TICRR: variants seen among roughly 807,000 people sequenced by gnomAD.
TICRR encodes treslin.
In TICRR, 132 loss-of-function variants were observed where a neutral mutation model predicts 178.1. That is an observed-to-expected ratio of 0.74 (90% CI 0.64 to 0.86). TICRR has a LOEUF of 0.86. Among genes scored for constraint, TICRR ranks in the 40% least tolerant of loss-of-function variants. The pLI, the probability that TICRR is intolerant of heterozygous loss-of-function variation, is 0.00. For missense variants in TICRR, 2,587 were observed against 2,334.3 expected, an observed-to-expected ratio of 1.11 and a Z score of -2.23; for synonymous variants, 991 against 900.7, an observed-to-expected ratio of 1.10 and a Z score of -1.79.
chr15:89,594,233 C>T (rs182242918), intron 5 of TICRR, among the ~76,000 whole-genome samples, 182 bp from the exon 6 acceptor site: 1 of 152,204 alleles, frequency 6.6e-6, no homozygotes, highest in Admixed American at 6.5e-5. Context: ...TTCCTGCATT[C>T]GTTCAAATCG....
At chr15:89,613,191 C>A (rs1293397824) in intron 15 of TICRR, among the ~76,000 whole-genome samples, 3 of 152,192 alleles carry the variant, frequency 2.0e-5, no homozygotes, top group African/African-American at 7.2e-5. Context: ...TTGAAGAATA[C>A]TTTCATTGGG....
intron 4 of TICRR, 95 bp downstream of exon 4, chr15:89,586,037 A>G (rs1410164758): frequency 3.7e-6 from 3 of 810,544 alleles, no homozygotes; most frequent in Admixed American, 2.1e-5. Flanking sequence ...TAGAACCCCA[A>G]TATGTTATAA....
chr15:89,627,222 C>G lies in TICRR; in HGVS notation c.*136C>G. 9.4e-7 allele frequency: 1 copy of G among 1,066,966 alleles called. No individual in the cohort carries two copies. The highest frequency in any genetic ancestry group is 1.6e-5 in the South Asian group (1 of 62,268). The allele number at this position is 1,066,966 out of a possible 1,614,324, so 66.1% of individuals were successfully genotyped here. A position where few individuals can be genotyped will look rare whatever the true frequency, so the allele number is the denominator to read the frequency against. On this transcript the variant is annotated 3_prime_UTR_variant, in exon 22 of 22. Coordinates refer to ENST00000268138, the MANE Select transcript of TICRR (RefSeq NM_152259.4). ...TGCCATTAGAATGCCTTAGGGTTTT[C>G]TAATTCCCCTTATGGATCCAATCCA...
chr15:89,600,596 G>A lies in TICRR; in HGVS notation c.2064G>A (p.Leu688=). The change falls in exon 9 of 22, where the codon CTG becomes CTA. Residue 688 remains leucine (L), a synonymous_variant. Coordinates refer to ENST00000268138, the MANE Select transcript of TICRR (RefSeq NM_152259.4). The part of the protein sequence containing the change: ...KGTKELEVNC[L]NQVKSSLLKT... ...TTTTGTATTTTTAGGTGAACTGCCT[G>A]AATCAAGTAAAAAGTAGTCTCTTAA... 3.8e-6 allele frequency: 6 copies of A among 1,563,284 alleles called. No homozygotes were observed. Among genetic ancestry groups the A allele is most frequent in the Non-Finnish European group, 4.4e-6 (5 of 1,149,408 alleles).
chr15:89,606,615 G>A (rs569035313), intron 13 of TICRR, among the ~76,000 whole-genome samples, 153 bp from the exon 14 acceptor site: 1 of 152,270 alleles, frequency 6.6e-6, no homozygotes, highest in East Asian at 1.9e-4. Context: ...AGCATTGAGT[G>A]TTTTTGGAAC....
rs557663382 is a variant in TICRR at position 89,622,205 on chromosome 15, C to G, written c.3312+655C>G. Among the ~76,000 whole-genome samples the G allele has an allele frequency of 2.0e-4, 30 of 152,106 alleles. No individual in the cohort carries two copies. In the South Asian group the frequency reaches 5.8e-3, roughly 29 times the overall value. ...TTCACCATGTTGGCCAGGCTGGTCTCGAACTCCTGACCTCAAGTGATCCAC... is the reference window on the plus strand; with the variant it reads ...TTCACCATGTTGGCCAGGCTGGTCTGGAACTCCTGACCTCAAGTGATCCAC... On this transcript the variant is annotated intron_variant, in intron 19 of 21. Transcript: ENST00000268138.
intron 11 of TICRR, 36 bp downstream of exon 11, chr15:89,601,604 G>A (rs1270106334): frequency 6.2e-7 from 1 of 1,612,556 alleles, no homozygotes. Context: ...CTTTAAAATT[G>A]TTTTGTCAAA....
intron 21 of TICRR, 43 bp from the exon 22 acceptor site, chr15:89,626,913 C>T (rs575663930): frequency 8.1e-6 from 13 of 1,597,214 alleles, no homozygotes; most frequent in Non-Finnish European, 1.0e-5. Context: ...TCAGTTCGGT[C>T]CTCTGTGACT....
intron 5 of TICRR, among the ~76,000 whole-genome samples, chr15:89,593,332 T>C (rs1312715105): frequency 2.0e-5 from 3 of 152,178 alleles, no homozygotes; most frequent in African/African-American, 7.2e-5. Context: ...ATGTGGCCCA[T>C]GTTATTTTTT....
At chr15:89,605,413 G>A (rs1422094781) in intron 13 of TICRR, among the ~76,000 whole-genome samples, 2 of 152,140 alleles carry the variant, frequency 1.3e-5, no homozygotes, top group African/African-American at 2.4e-5. Flanking sequence ...CTGTCGCCCA[G>A]GCTGGAGTGC....
At chr15:89,586,908 C>T (rs1962833014) in intron 4 of TICRR, among the ~76,000 whole-genome samples, 1 of 152,056 alleles carries the variant, frequency 6.6e-6, no homozygotes, top group South Asian at 2.1e-4. Context: ...AGAGAGGAAG[C>T]CTTTGGGTGA....
intron 21 of TICRR, among the ~76,000 whole-genome samples, chr15:89,626,302 C>T (rs1963525193): frequency 6.6e-6 from 1 of 152,218 alleles, no homozygotes; most frequent in African/African-American, 2.4e-5. Flanking sequence ...AAAATGTTGA[C>T]AGTCGTGGGC....
Position 89,621,980 on chromosome 15 carries a change from CTCTT to C in TICRR, c.3312+432_3312+435del, listed in dbSNP as rs1316967833. On this transcript the variant is annotated intron_variant, in intron 19 of 21. Transcript: ENST00000268138. ...CCTGCCCATTTTATTTACAAACTGA[CTCTT>C]TTTTTTTTTTTTTTTTTTTGGAGAC... 2.3e-4 allele frequency among the ~76,000 whole-genome samples: 19 copies of C among 82,774 alleles called. No individual in the cohort carries two copies. In the South Asian group the frequency reaches 6.2e-3, roughly 27 times the overall value. The allele number at this position is 82,774 out of a possible 152,430, so 54.3% of individuals were successfully genotyped here. A position where few individuals can be genotyped will look rare whatever the true frequency, so the allele number is the denominator to read the frequency against.
At chr15:89,596,779 C>A (rs1437918252) in intron 7 of TICRR, among the ~76,000 whole-genome samples, 1 of 152,148 alleles carries the variant, frequency 6.6e-6, no homozygotes, top group African/African-American at 2.4e-5. Flanking sequence ...TATTACTTCA[C>A]GTGTTGGACC....
At chr15:89,601,017 G>A (rs1436314600) in intron 9 of TICRR, among the ~76,000 whole-genome samples, 1 of 123,278 alleles carries the variant, frequency 8.1e-6, no homozygotes, top group Non-Finnish European at 1.6e-5. Flanking sequence ...CTGCACTCTA[G>A]CCTGGGCAAC....
At chr15:89,592,319 TAATATA>T in intron 5 of TICRR, 143 bp downstream of exon 5, 2 of 600,106 alleles carry the variant, frequency 3.3e-6, no homozygotes, top group Non-Finnish European at 5.5e-6. Flanking sequence ...CTCTCATACT[TAATATA>T]TATTGTGAGA....
chr15:89,608,393 G>A (rs568634190), intron 14 of TICRR, among the ~76,000 whole-genome samples: 15 of 152,252 alleles, frequency 9.9e-5, no homozygotes, highest in African/African-American at 3.6e-4. Flanking sequence ...GAAATGCCCA[G>A]GACTAGAAGT....
chr15:89,624,561 C>G lies in TICRR; in HGVS notation c.4251C>G (p.Pro1417=). 1.2e-6 allele frequency: 2 copies of G among 1,613,778 alleles called. No homozygotes were observed. The highest frequency in any genetic ancestry group is 1.7e-6 in the Non-Finnish European group (2 of 1,179,838). ...GVGTADSPAA[P]TDSRDDQKGL... ...GCACAGCTGACAGCCCAGCTGCCCC[C>G]ACAGACTCTAGAGATGACCAGAAGG... is the stretch of plus-strand genomic sequence containing the variant. The change falls in exon 20 of 22, where the codon CCC becomes CCG. Residue 1417 remains proline, a synonymous_variant. Transcript: ENST00000268138.
chr15:89,625,219 A>T lies in TICRR; in HGVS notation c.4909A>T (p.Ser1637Cys), dbSNP rs1476494869. ...CCTCTCCCACAGCACACCTGGCAAG[A>T]GCAGGGGGCAAACCTACATCTGCCA... ...PRLSHSTPGKSRGQTYICQAC... is the reference protein window; with the variant it reads ...PRLSHSTPGKCRGQTYICQAC... Residue 1637 changes from serine to cysteine, a missense_variant, in exon 20 of 22, where the codon AGC becomes TGC. Ser to Cys is a moderately radical substitution (Grantham distance 112). Coordinates refer to ENST00000268138, the MANE Select transcript of TICRR (RefSeq NM_152259.4). 32 of 1,613,658 alleles carry T rather than the reference A, an allele frequency of 2.0e-5. No homozygotes were observed. The highest frequency in any genetic ancestry group is 2.5e-5 in the Non-Finnish European group (29 of 1,179,802).
Sources: allele counts gnomAD v4.1 joint callset (sites outside exome capture counted in the v4.1 genomes callset), GRCh38; gene constraint gnomAD v4.1.1; transcripts MANE v1.5; gene names NCBI Gene and HGNC (gene_info 2026-07-23, HGNC 2026-07-21).